The following TBC1D9B variants were observed in gnomAD, a reference collection of about 807,000 sequenced individuals.
The protein encoded by TBC1D9B is TBC1 domain family, member 9B (with GRAM domain).
Under a neutral mutation model 121.1 loss-of-function variants are expected in TBC1D9B, and 87 were observed. That is an observed-to-expected ratio of 0.72 (90% CI 0.60 to 0.86). TBC1D9B has a LOEUF of 0.86. Ranked by LOEUF, TBC1D9B falls within the 40% of genes least tolerant of loss-of-function variation. The pLI is 0.00. For synonymous variants in TBC1D9B, 668 were observed against 670.1 expected (o/e 1.00, Z 0.05); for missense variants, 1,540 against 1,628.6 (o/e 0.95, Z 0.94).
Position 179,907,846 on chromosome 5 carries a change from A to C in TBC1D9B, c.-25T>G. 9.4e-7 allele frequency: 1 copy of C among 1,068,186 alleles called. No homozygotes were observed. Among genetic ancestry groups the C allele is most frequent in the Non-Finnish European group, 1.1e-6 (1 of 875,448 alleles). The allele number at this position is 1,068,186 out of a possible 1,614,324, so 66.2% of individuals were successfully genotyped here. A position where few individuals can be genotyped will look rare whatever the true frequency, so the allele number is the denominator to read the frequency against. ...TCGCGGAGCCGCTCGCACCGGGCCGAGGCCCGCGAGACGGAAGCGCCCGCC... is the reference window on the plus strand; with the variant it reads ...TCGCGGAGCCGCTCGCACCGGGCCGCGGCCCGCGAGACGGAAGCGCCCGCC... On this transcript the variant is annotated 5_prime_UTR_variant, in exon 1 of 21. Transcript: ENST00000355235. The surrounding 1 kb of genome is among the most constrained non-coding windows in gnomAD (Gnocchi z 5.3).
At position 179,875,359 on chromosome 5, in the gene TBC1D9B, C is replaced by T. The variant is rs1480293396; in HGVS notation, c.1901-172G>A. Among the ~76,000 whole-genome samples the T allele has an allele frequency of 6.6e-6, 1 of 152,226 alleles. No homozygotes were observed. Among genetic ancestry groups the T allele is most frequent in the Non-Finnish European group, 1.5e-5 (1 of 68,044 alleles). On this transcript the variant is annotated intron_variant, in intron 11 of 20. Transcript: ENST00000355235. The surrounding 1 kb of genome is among the most constrained non-coding windows in gnomAD (Gnocchi z 4.5). ...GGACGAAAAAACCCTTCAAGTCTCT[C>T]TACAGCTCCCAAACCACTGGGCGAA...
intron 6 of TBC1D9B, among the ~76,000 whole-genome samples, chr5:179,889,738 G>A (rs1156824419): frequency 1.3e-5 from 2 of 151,996 alleles, no homozygotes; most frequent in Non-Finnish European, 2.9e-5. Context: ...GCTAGGTGTG[G>A]TGGCAAGCAT....
At chr5:179,872,848 G>GCCCCCCCACCC in intron 14 of TBC1D9B, 44 bp downstream of exon 14, 1 of 1,457,256 alleles carries the variant, frequency 6.9e-7, no homozygotes, top group Non-Finnish European at 9.5e-7. Context: ...AGGCACTGCT[G>GCCCCCCCACCC]CCCCCCCAGC....
At chr5:179,877,095 A>AG (rs1760381827) in intron 10 of TBC1D9B, among the ~76,000 whole-genome samples, 1 of 147,832 alleles carries the variant, frequency 6.8e-6, no homozygotes, top group African/African-American at 2.5e-5. Context: ...AAAAAAAAAA[A>AG]GCCCAGGAAT....
chr5:179,876,551 C>T (rs541397472), intron 10 of TBC1D9B, among the ~76,000 whole-genome samples: 2 of 152,324 alleles, frequency 1.3e-5, no homozygotes, highest in South Asian at 4.1e-4. Context: ...TTAAGGCAAA[C>T]AGAAAGCCAT....
intron 10 of TBC1D9B, among the ~76,000 whole-genome samples, chr5:179,876,429 G>A (rs59156400): frequency 6.6e-6 from 1 of 152,144 alleles, no homozygotes; most frequent in African/African-American, 2.4e-5. Context: ...TTGGAGGTGG[G>A]ATTATGACCA....
chr5:179,879,596 C>T lies in TBC1D9B; in HGVS notation c.1416+32G>A, dbSNP rs535445266. 7.3e-5 allele frequency: 117 copies of T among 1,613,338 alleles called. 2 individuals are homozygous for T. The highest frequency in any genetic ancestry group is 1.8e-4 in the Middle Eastern group (1 of 5,616). On this transcript the variant is annotated intron_variant, in intron 8 of 20. Coordinates refer to ENST00000355235, the MANE Select transcript of TBC1D9B (RefSeq NM_015043.4). ...TTCCTCCTGAGGGCTCCGCTCTTGA[C>T]GGAGGCTGGAGTGCCGGCGCTCAGG...
rs372030403 is a variant in TBC1D9B at position 179,864,892 on chromosome 5, G to C, written c.3021+362C>G. 1.2e-4 allele frequency among the ~76,000 whole-genome samples: 19 copies of C among 152,382 alleles called. No individual in the cohort carries two copies. The East Asian group carries it at 3.1e-3, about 25-fold the overall frequency. The stretch of plus-strand genomic sequence containing the variant: ...ACCATGCTTCTGATCTGCGAGACCA[G>C]TGAATGAAGAGCGGGTGTGGAGGAT... On this transcript the variant is annotated intron_variant, in intron 20 of 20. Coordinates refer to ENST00000355235, the MANE Select transcript of TBC1D9B (RefSeq NM_015043.4).
intron 6 of TBC1D9B, among the ~76,000 whole-genome samples, 154 bp from the exon 7 acceptor site, chr5:179,888,466 T>C (rs1447641624): frequency 1.3e-5 from 2 of 152,144 alleles, no homozygotes; most frequent in Non-Finnish European, 2.9e-5. Context: ...TGCCACCCGC[T>C]GCACCTAACC....
rs1322338033 is a variant in TBC1D9B at position 179,907,619 on chromosome 5, A to G, written c.118+85T>C. The G allele has an allele frequency of 2.7e-5, 20 of 736,090 alleles. No homozygotes were observed. The highest frequency in any genetic ancestry group is 3.9e-5 in the African/African-American group (2 of 51,576). The allele number at this position is 736,090 out of a possible 1,614,324, so 45.6% of individuals were successfully genotyped here. A position where few individuals can be genotyped will look rare whatever the true frequency, so the allele number is the denominator to read the frequency against. The stretch of plus-strand genomic sequence containing the variant: ...CGCGACGCGCCGAGGCCGGGCCGGA[A>G]CCGGACCCGCCCGCCGCCCGCCGCC... On this transcript the variant is annotated intron_variant, in intron 1 of 20. Coordinates refer to ENST00000355235, the MANE Select transcript of TBC1D9B (RefSeq NM_015043.4). The surrounding 1 kb of genome is among the most constrained non-coding windows in gnomAD (Gnocchi z 5.3).
In TBC1D9B at chr5:179,879,716, A is replaced by C. The variant is rs1760476901; in HGVS notation, c.1328T>G (p.Phe443Cys). The C allele has an allele frequency of 6.2e-7, 1 of 1,614,158 alleles. No homozygotes were observed. The highest frequency in any genetic ancestry group is 1.7e-5 in the Admixed American group (1 of 60,030). ...PASPLSSRQS[F>C]CAQEAPTASQ... ...TGCGGTTGGCGCCTCCTGCGCACAGAAGCTCTGGCGGCTGCTGAGGGGAGA... is the reference window on the plus strand; with the variant it reads ...TGCGGTTGGCGCCTCCTGCGCACAGCAGCTCTGGCGGCTGCTGAGGGGAGA... The change falls in exon 8 of 21, where the codon TTC (phenylalanine) becomes TGC (cysteine). Residue 443 changes from phenylalanine (F) to cysteine (C), a missense_variant. By Grantham distance (205) the Phe-to-Cys change is radical. Transcript: ENST00000355235.
intron 7 of TBC1D9B, among the ~76,000 whole-genome samples, chr5:179,886,152 ACTCCTGAT>A (rs1360525045): frequency 6.6e-6 from 1 of 151,532 alleles, no homozygotes; most frequent in African/African-American, 2.4e-5. Context: ...TTCCCCTGGC[ACTCCTGAT>A]CCCCTCATCC....
rs369851523 is a variant in TBC1D9B, at chr5:179,875,024, G to A, written c.2064C>T (p.Val688=). ...VMPFESAVVI[V]DCFFYEGIKV... ...TGATGCCCTCATAGAAAAAGCAGTCGACGATGACCACGGCGCTCTCGAAGG... is the reference window on the plus strand; with the variant it reads ...TGATGCCCTCATAGAAAAAGCAGTCAACGATGACCACGGCGCTCTCGAAGG... The change falls in exon 12 of 21, where the codon GTC becomes GTT. Residue 688 remains valine (V), a synonymous_variant. Coordinates refer to ENST00000355235, the MANE Select transcript of TBC1D9B (RefSeq NM_015043.4). The surrounding 1 kb of genome is among the most constrained non-coding windows in gnomAD (Gnocchi z 4.5). 1.2e-5 allele frequency: 19 copies of A among 1,614,062 alleles called. No homozygotes were observed. The highest frequency in any genetic ancestry group is 8.9e-5 in the East Asian group (4 of 44,876).
intron 2 of TBC1D9B, among the ~76,000 whole-genome samples, chr5:179,901,127 T>G (rs1761154437): frequency 6.6e-6 from 1 of 152,176 alleles, no homozygotes; most frequent in Non-Finnish European, 1.5e-5. Flanking sequence ...TGGGGGAGGA[T>G]GCCCACGGGA....
In TBC1D9B at chr5:179,904,790, G is replaced by C; in HGVS notation, c.141C>G (p.Asp47Glu). The change falls in exon 2 of 21, where the codon GAC becomes GAG. Residue 47 changes from aspartate to glutamate, a missense_variant. Physicochemically the swap from Asp to Glu is conservative, Grantham distance 45 (BLOSUM62 2). Coordinates refer to ENST00000355235, the MANE Select transcript of TBC1D9B (RefSeq NM_015043.4). This position sits in a 1 kb window ranked among gnomAD's most constrained non-coding sequence, Gnocchi z 4.2. ...CGCGGGCACTGGAGTCCAGCACCAC[G>C]TCCAGGGTGCCCACGAGAAGACCTG... ...GLTGLLVGTL[D>E]VVLDSSARVA... is the part of the protein sequence containing the mutation. The C allele has an allele frequency of 6.4e-7, 1 of 1,568,236 alleles. No homozygotes were observed. Among genetic ancestry groups the C allele is most frequent in the Non-Finnish European group, 8.6e-7 (1 of 1,156,520 alleles).
In TBC1D9B at chr5:179,887,646, C is replaced by T. The variant is rs150885480; in HGVS notation, c.1254+457G>A. 267 of 182,112 alleles carry T rather than the reference C, an allele frequency of 1.5e-3. 2 individuals carry two copies. Among genetic ancestry groups the T allele is most frequent in the East Asian group, 6.1e-3 (33 of 5,378 alleles). The allele number at this position is 182,112 out of a possible 1,614,324, so 11.3% of individuals were successfully genotyped here. On this transcript the variant is annotated intron_variant, in intron 7 of 20. Coordinates refer to ENST00000355235, the MANE Select transcript of TBC1D9B (RefSeq NM_015043.4). Reference sequence around the variant, plus strand: ...AAACCGTGAAAAGTACACTTGCACACGGGGAAGTGTGAATACAATATTTGG... The same window carrying T: ...AAACCGTGAAAAGTACACTTGCACATGGGGAAGTGTGAATACAATATTTGG...
At chr5:179,895,520 T>G (rs1238273395) in intron 3 of TBC1D9B, among the ~76,000 whole-genome samples, 2 of 152,144 alleles carry the variant, frequency 1.3e-5, no homozygotes, top group Non-Finnish European at 2.9e-5. Context: ...GACCTGCAGT[T>G]TCAGGGCCCG....
chr5:179,895,166 C>G (rs188895540), intron 3 of TBC1D9B, among the ~76,000 whole-genome samples: 128 of 152,244 alleles, frequency 8.4e-4, no homozygotes, highest in Non-Finnish European at 1.3e-3. Context: ...TGGCCTGACA[C>G]TTTTAAAATG....
At position 179,872,270 on chromosome 5, in the gene TBC1D9B, C is replaced by T. The variant is rs542180947; in HGVS notation, c.2415+622G>A. 3.8e-5 allele frequency: 6 copies of T among 157,844 alleles called. No homozygotes were observed. In the East Asian group the frequency reaches 5.6e-4, roughly 15 times the overall value. 9.8% of individuals were successfully genotyped at this position (157,844 alleles called of 1,614,324 possible). A position where few individuals can be genotyped will look rare whatever the true frequency, so the allele number is the denominator to read the frequency against. On this transcript the variant is annotated intron_variant, in intron 14 of 20. Transcript: ENST00000355235. ...CCGTCATCTGGATCCCTGCAGAGAC[C>T]CTGGTGCCAGCTCTGTGGAAGGAGG...
Sources: allele counts gnomAD v4.1 joint callset (sites outside exome capture counted in the v4.1 genomes callset), GRCh38; gene constraint gnomAD v4.1.1; non-coding constraint Gnocchi (gnomAD v3.1); transcripts MANE v1.5; gene names NCBI Gene and HGNC (gene_info 2026-07-23, HGNC 2026-07-21).